The following NPAS3 variants were observed in gnomAD, a reference collection of about 807,000 sequenced individuals.
The protein encoded by NPAS3 is neuronal PAS domain protein 3, also known as neuronal PAS domain-containing protein 3.
NPAS3 carries 14 observed loss-of-function variants against 73.1 expected under a neutral mutation model. The observed-to-expected ratio is 0.19, with a 90% CI of 0.13 to 0.30. The LOEUF (loss-of-function observed/expected upper bound fraction) is 0.30. NPAS3 is among the 10% of genes least tolerant of loss of function. The pLI is 1.00. For missense variants in NPAS3, 1,096 were observed against 1,250.0 expected (o/e 0.88, Z 1.86); for synonymous variants, 620 against 541.5 (o/e 1.14, Z -2.01).
intron 3 of NPAS3, among the ~76,000 whole-genome samples, chr14:33,360,242 T>C (rs2045534335): frequency 6.6e-6 from 1 of 151,918 alleles, no homozygotes; most frequent in African/African-American, 2.4e-5. Flanking sequence ...CATGTTAGAT[T>C]AAAAATCAAG....
At chr14:33,087,213 T>TAATATTGTATAATATAGTATACAATATAA in intron 2 of NPAS3, among the ~76,000 whole-genome samples, 1 of 104,038 alleles carries the variant, frequency 9.6e-6, no homozygotes, top group African/African-American at 4.7e-5. Context: ...TATAGTATTA[T>TAATATTGTATAATATAGTATACAATATAA]TATTATTGTA....
At chr14:33,709,782 C>G (rs1299311133) in intron 6 of NPAS3, among the ~76,000 whole-genome samples, 1 of 152,184 alleles carries the variant, frequency 6.6e-6, no homozygotes, top group Non-Finnish European at 1.5e-5. Flanking sequence ...TCTGCTTCAC[C>G]AAATAAGAGG....
At chr14:33,682,601 C>T (rs762902959) in intron 6 of NPAS3, among the ~76,000 whole-genome samples, 2 of 152,104 alleles carry the variant, frequency 1.3e-5, no homozygotes, top group African/African-American at 2.4e-5. Flanking sequence ...TTTTCATGAG[C>T]GAAGTAGGCT....
intron 2 of NPAS3, among the ~76,000 whole-genome samples, chr14:33,088,543 A>G (rs2042112790): frequency 1.3e-5 from 2 of 152,104 alleles, no homozygotes; most frequent in South Asian, 4.1e-4. Context: ...CGGCCAGGAA[A>G]CTCGAACTGG....
chr14:33,092,693 G>A (rs2042270007), intron 2 of NPAS3, among the ~76,000 whole-genome samples: 1 of 152,154 alleles, frequency 6.6e-6, no homozygotes, highest in Non-Finnish European at 1.5e-5. Context: ...AAAGCTGGAG[G>A]CATCACACTA....
chr14:33,013,780 T>G (rs1028805791), intron 1 of NPAS3, among the ~76,000 whole-genome samples: 1 of 152,162 alleles, frequency 6.6e-6, no homozygotes, highest in Non-Finnish European at 1.5e-5. Context: ...GTATTTTGTT[T>G]TTATAAACAA....
At chr14:33,046,272 A>G (rs2040502751) in intron 1 of NPAS3, among the ~76,000 whole-genome samples, 1 of 152,158 alleles carries the variant, frequency 6.6e-6, no homozygotes, top group Non-Finnish European at 1.5e-5. Flanking sequence ...AGCAAAGGGT[A>G]GGTATGAAAA....
chr14:33,486,220 G>A (rs1384873800), intron 4 of NPAS3, among the ~76,000 whole-genome samples: 1 of 151,796 alleles, frequency 6.6e-6, no homozygotes, highest in Non-Finnish European at 1.5e-5. Context: ...GTCATAGAGA[G>A]AAATAGATAG....
At chr14:33,289,711 A>G (rs556655731) in intron 3 of NPAS3, among the ~76,000 whole-genome samples, 8 of 152,046 alleles carry the variant, frequency 5.3e-5, no homozygotes, top group African/African-American at 7.2e-5. Flanking sequence ...AGACCCAGCT[A>G]TTCAGGAGGC....
At chr14:33,557,134 G>A (rs571210749) in intron 4 of NPAS3, among the ~76,000 whole-genome samples, 1 of 152,208 alleles carries the variant, frequency 6.6e-6, no homozygotes, top group East Asian at 1.9e-4. Flanking sequence ...TTGTAGGAAG[G>A]AAATATCTCT....
chr14:33,219,504 A>G (rs1266390700), intron 3 of NPAS3, among the ~76,000 whole-genome samples: 1 of 152,230 alleles, frequency 6.6e-6, no homozygotes, highest in African/African-American at 2.4e-5. Flanking sequence ...TTTGGAAAGG[A>G]ACAGTTGAAA....
chr14:33,739,122 AC>A (rs1471165866), intron 7 of NPAS3, among the ~76,000 whole-genome samples: 1 of 152,196 alleles, frequency 6.6e-6, no homozygotes, highest in Non-Finnish European at 1.5e-5. Flanking sequence ...ACGTAGGCAA[AC>A]GGAGAAAAGC....
intron 4 of NPAS3, among the ~76,000 whole-genome samples, chr14:33,443,474 C>T (rs969974520): frequency 2.0e-5 from 3 of 152,102 alleles, no homozygotes; most frequent in Non-Finnish European, 2.9e-5. Flanking sequence ...GAGGCTCAAA[C>T]AAAAGAGCAC....
chr14:33,768,461 AT>A (rs1260402795), intron 7 of NPAS3, among the ~76,000 whole-genome samples: 5 of 152,180 alleles, frequency 3.3e-5, no homozygotes, highest in African/African-American at 4.8e-5. Flanking sequence ...TTCAAATATG[AT>A]CTATAAGATC....
At chr14:33,289,295 A>G (rs574905139) in intron 3 of NPAS3, among the ~76,000 whole-genome samples, 1 of 152,302 alleles carries the variant, frequency 6.6e-6, no homozygotes, top group African/African-American at 2.4e-5. Flanking sequence ...GCATTTGACC[A>G]TGATGATGCT....
chr14:33,626,844 A>C (rs2058234891), intron 5 of NPAS3, among the ~76,000 whole-genome samples: 1 of 152,188 alleles, frequency 6.6e-6, no homozygotes, highest in Non-Finnish European at 1.5e-5. Context: ...GATAAAAAGT[A>C]AATAGGAGAA....
At chr14:32,963,607 C>A (rs1454743142) in intron 1 of NPAS3, among the ~76,000 whole-genome samples, 1 of 152,108 alleles carries the variant, frequency 6.6e-6, no homozygotes, top group Non-Finnish European at 1.5e-5. Context: ...CCCCTTCTTC[C>A]CCTGGACAAA....
intron 2 of NPAS3, among the ~76,000 whole-genome samples, chr14:33,107,129 C>CTTCG (rs147066684): frequency 5.9e-5 from 9 of 151,914 alleles, no homozygotes; most frequent in Admixed American, 2.6e-4. Flanking sequence ...TTCTCTTGAG[C>CTTCG]TGAACTCTCT....
chr14:33,203,856 T>C (rs2046717423), intron 2 of NPAS3, among the ~76,000 whole-genome samples: 1 of 152,140 alleles, frequency 6.6e-6, no homozygotes, highest in African/African-American at 2.4e-5. Context: ...GATGGCTGGG[T>C]CAAATGGTAT....
Sources: gnomAD v4.1 joint callset for allele counts (sites outside exome capture counted in the v4.1 genomes callset) on GRCh38, gnomAD v4.1.1 for gene constraint, MANE v1.5 for transcripts, NCBI Gene and HGNC (gene_info 2026-07-23, HGNC 2026-07-21) for gene names.